SIK3: variants seen among roughly 807,000 people sequenced by gnomAD.
SIK3 encodes SIK family kinase 3.
SIK3 carries 28 observed loss-of-function variants against 144.2 expected under a neutral mutation model. That is an observed-to-expected ratio of 0.19 (90% CI 0.14 to 0.27). The LOEUF is 0.27. SIK3 is among the 10% of genes least tolerant of loss of function. SIK3 has a pLI of 1.00. For synonymous variants in SIK3, 686 were observed against 676.3 expected, an observed-to-expected ratio of 1.01 and a Z score of -0.22; for missense variants, 1,319 against 1,776.0, an observed-to-expected ratio of 0.74 and a Z score of 4.62.
Position 116,867,851 on chromosome 11 carries a change from A to C in SIK3, c.1952+95T>G. On this transcript the variant is annotated intron_variant, in intron 15 of 24. Transcript: ENST00000445177. The surrounding 1 kb of genome is among the most constrained non-coding windows in gnomAD (Gnocchi z 4.1). ...AGGATGACAGCTGGCTTCTATTTAA[A>C]GCCACGATGCTAGTCACCGTCGCTG... 3.1e-6 allele frequency: 4 copies of C among 1,300,432 alleles called. No individual in the cohort carries two copies. The highest frequency in any genetic ancestry group is 1.0e-6 in the Non-Finnish European group (1 of 970,480). 80.6% of individuals were successfully genotyped at this position (1,300,432 alleles called of 1,614,324 possible).
intron 1 of SIK3, among the ~76,000 whole-genome samples, chr11:117,033,509 GGCT>G (rs1258795691): frequency 1.3e-5 from 2 of 151,940 alleles, no homozygotes; most frequent in Non-Finnish European, 2.9e-5. Flanking sequence ...AGACCATCCT[GGCT>G]AACTCAGTGA....
intron 1 of SIK3, among the ~76,000 whole-genome samples, chr11:116,974,416 TC>T (rs1459795262): frequency 6.6e-6 from 1 of 152,166 alleles, no homozygotes; most frequent in African/African-American, 2.4e-5. Context: ...ACCCTTTTTT[TC>T]CCCCTTTTGA....
At chr11:117,015,096 A>T (rs1015910562) in intron 1 of SIK3, among the ~76,000 whole-genome samples, 2 of 152,226 alleles carry the variant, frequency 1.3e-5, no homozygotes, top group East Asian at 1.9e-4. Flanking sequence ...TTTAAAAAAA[A>T]TTTTTTTAAG....
At chr11:116,857,667 A>G (rs1266094852) in intron 21 of SIK3, 143 bp downstream of exon 21, 4 of 1,397,020 alleles carry the variant, frequency 2.9e-6, no homozygotes, top group African/African-American at 1.5e-5. Flanking sequence ...CACTTCCTAC[A>G]TGCTTCTCCC....
chr11:117,024,772 G>A (rs1951939792), intron 1 of SIK3, among the ~76,000 whole-genome samples: 2 of 152,020 alleles, frequency 1.3e-5, no homozygotes, highest in South Asian at 4.1e-4. Flanking sequence ...GTGGTGGCAT[G>A]TGCCTGTAGT....
At chr11:117,097,688 C>T (rs943879680) in intron 1 of SIK3, among the ~76,000 whole-genome samples, 2 of 152,024 alleles carry the variant, frequency 1.3e-5, no homozygotes. Flanking sequence ...GTCCTGGGTC[C>T]CCTTACAAGC....
chr11:116,953,106 A>C (rs1949007190), intron 3 of SIK3, among the ~76,000 whole-genome samples: 1 of 151,628 alleles, frequency 6.6e-6, no homozygotes, highest in South Asian at 2.1e-4. Flanking sequence ...AAACACAAAC[A>C]CACACACACA....
chr11:116,902,553 G>A (rs1945794072), intron 4 of SIK3, among the ~76,000 whole-genome samples: 1 of 152,206 alleles, frequency 6.6e-6, no homozygotes, highest in South Asian at 2.1e-4. Flanking sequence ...AGAAGCACCT[G>A]CTTCCACTAT....
At chr11:116,927,059 A>C (rs527322475) in intron 4 of SIK3, among the ~76,000 whole-genome samples, 160 bp downstream of exon 4, 1 of 149,278 alleles carries the variant, frequency 6.7e-6, no homozygotes, top group Admixed American at 6.7e-5. Context: ...AAGTACTTTT[A>C]AAGTTTATCA....
intron 1 of SIK3, among the ~76,000 whole-genome samples, chr11:116,972,908 G>GTTAC (rs1353412933): frequency 6.6e-6 from 1 of 152,094 alleles, no homozygotes; most frequent in African/African-American, 2.4e-5. Context: ...AAATGGCCAT[G>GTTAC]TTACGGAAGC....
intron 21 of SIK3, among the ~76,000 whole-genome samples, chr11:116,853,484 C>G (rs1942627602): frequency 6.6e-6 from 1 of 152,186 alleles, no homozygotes; most frequent in African/African-American, 2.4e-5. Context: ...GAAAAGTGCA[C>G]AAATGGACAC....
chr11:117,023,645 T>TATATATATATATATATATATATATATA (rs1951891263), intron 1 of SIK3, among the ~76,000 whole-genome samples: 1 of 143,488 alleles, frequency 7.0e-6, no homozygotes, highest in East Asian at 2.0e-4. Flanking sequence ...TATATATATA[T>TATATATATATATATATATATATATATA]TGCACACTGC....
chr11:117,086,763 G>A (rs947627353), intron 1 of SIK3, among the ~76,000 whole-genome samples: 1 of 151,622 alleles, frequency 6.6e-6, no homozygotes, highest in East Asian at 1.9e-4. Context: ...TTGGGAGGTC[G>A]AGGCAGGTGG....
chr11:116,872,731 C>G (rs1944031639), intron 13 of SIK3, among the ~76,000 whole-genome samples: 1 of 152,178 alleles, frequency 6.6e-6, no homozygotes, highest in Non-Finnish European at 1.5e-5. Context: ...TCTAATGTTT[C>G]ACTTTTACTA....
chr11:116,949,503 GTTTT>G (rs1168201131), intron 3 of SIK3, among the ~76,000 whole-genome samples: 1 of 152,104 alleles, frequency 6.6e-6, no homozygotes. Flanking sequence ...TGCCATCAGT[GTTTT>G]TTTGTTTTAT....
At chr11:116,910,963 T>C (rs192480233) in intron 4 of SIK3, among the ~76,000 whole-genome samples, 2 of 152,212 alleles carry the variant, frequency 1.3e-5, no homozygotes, top group Admixed American at 1.3e-4. Context: ...ATACCAAGAA[T>C]TGGTGAGATC....
rs1375512505 is a variant in SIK3, at chr11:116,898,307, T to C, written c.617-990A>G. Reference sequence around the variant, plus strand: ...TGTCCCTACAAAGGACATGAACTCATCATTTTCTATGGCTGCATAGTATTC... The same window carrying C: ...TGTCCCTACAAAGGACATGAACTCACCATTTTCTATGGCTGCATAGTATTC... On this transcript the variant is annotated intron_variant, in intron 4 of 24. Coordinates refer to ENST00000445177, the MANE Select transcript of SIK3 (RefSeq NM_001366686.3). Among the ~76,000 whole-genome samples, 9 of 152,330 alleles carry C rather than the reference T, an allele frequency of 5.9e-5. No individual in the cohort carries two copies. In the South Asian group the frequency reaches 1.2e-3, roughly 21 times the overall value.
chr11:116,979,200 C>T (rs558095053), intron 1 of SIK3, among the ~76,000 whole-genome samples: 4 of 152,092 alleles, frequency 2.6e-5, no homozygotes, highest in South Asian at 2.1e-4. Context: ...GGAAAGGAGA[C>T]GAGCAGGAGA....
intron 1 of SIK3, among the ~76,000 whole-genome samples, chr11:117,079,398 G>T (rs1055049327): frequency 2.6e-5 from 4 of 152,138 alleles, no homozygotes; most frequent in Non-Finnish European, 5.9e-5. Context: ...GAGACCTGGA[G>T]AAAAACCTAG....
Sources: allele counts gnomAD v4.1 joint callset (sites outside exome capture counted in the v4.1 genomes callset), GRCh38; gene constraint gnomAD v4.1.1; non-coding constraint Gnocchi (gnomAD v3.1); transcripts MANE v1.5; gene names NCBI Gene and HGNC (gene_info 2026-07-23, HGNC 2026-07-21).